The following NT5M variants were observed in gnomAD, a reference collection of about 807,000 sequenced individuals.
NT5M encodes 5'(3')-deoxyribonucleotidase, mitochondrial.
A neutral mutation model predicts 22.2 loss-of-function variants in NT5M; 22 were observed. The ratio of observed to expected loss-of-function variants is 0.99; its 90% CI spans 0.71 to 1.41. The LOEUF (loss-of-function observed/expected upper bound fraction) is 1.41. NT5M is among the 40% of genes most tolerant of loss of function. NT5M has a pLI of 0.00. For missense variants in NT5M, 322 were observed against 314.8 expected (o/e 1.02, Z -0.17); for synonymous variants, 167 against 133.0 (o/e 1.26, Z -1.76).
At position 17,308,925 on chromosome 17, in the gene NT5M, A is replaced by G. The variant is rs548931091; in HGVS notation, c.368+2282A>G. ...GTTCATTCATGTTGCAGCATCTATC[A>G]ATACTTACTATTTTTATGGCTGAAT... On this transcript the variant is annotated intron_variant, in intron 2 of 4. Transcript: ENST00000389022. Among the ~76,000 whole-genome samples the G allele has an allele frequency of 2.9e-3, 435 of 152,250 alleles. 1 individual carries two copies. The highest frequency in any genetic ancestry group is 4.3e-3 in the Non-Finnish European group (293 of 68,016).
In NT5M at chr17:17,345,046, C is replaced by T. The variant is rs538652033; in HGVS notation, c.544+138C>T. ...TGCCAGGCACTGAGCCCCTCCCCTT[C>T]GGGAAGACAAGGCCCCCTCTGTATG... On this transcript the variant is annotated intron_variant, in intron 4 of 4. Transcript: ENST00000389022. The T allele has an allele frequency of 2.0e-4, 264 of 1,324,734 alleles. No homozygotes were observed. In the African/African-American group the frequency reaches 3.4e-3, roughly 17 times the overall value. The allele number at this position is 1,324,734 out of a possible 1,614,324, so 82.1% of individuals were successfully genotyped here.
At chr17:17,334,717 G>A (rs367867604) in intron 3 of NT5M, among the ~76,000 whole-genome samples, 1 of 151,366 alleles carries the variant, frequency 6.6e-6, no homozygotes, top group Admixed American at 6.6e-5. Context: ...CTTGTGATCC[G>A]CCCACTTTGG....
chr17:17,303,637 C>T lies in NT5M; in HGVS notation c.87C>T (p.Gly29=). 1 of 1,440,530 alleles carries T rather than the reference C, an allele frequency of 6.9e-7. No homozygotes were observed. The allele number at this position is 1,440,530 out of a possible 1,614,324, so 89.2% of individuals were successfully genotyped here. Residue 29 remains glycine (G), a synonymous_variant, in exon 1 of 5, where the codon GGC becomes GGT. Transcript: ENST00000389022. The part of the protein sequence containing the change: ...AGRRGAAGGL[G]LAGGRALRVL... ...GGCGCGGGGCGGCGGGCGGGCTGGG[C>T]CTGGCGGGAGGCCGCGCCCTACGGG...
intron 3 of NT5M, among the ~76,000 whole-genome samples, chr17:17,331,059 A>G (rs565236418): frequency 6.6e-6 from 1 of 151,722 alleles, no homozygotes; most frequent in Non-Finnish European, 1.5e-5. Context: ...CATATTTTAC[A>G]TTAAATTTCC....
chr17:17,346,590 G>A (rs1316160434), intron 4 of NT5M, among the ~76,000 whole-genome samples: 2 of 152,246 alleles, frequency 1.3e-5, no homozygotes, highest in Admixed American at 6.5e-5. Flanking sequence ...AGTCCCTGTT[G>A]ACTGAGCACT....
intron 4 of NT5M, among the ~76,000 whole-genome samples, chr17:17,345,774 G>A (rs2049746703): frequency 6.6e-6 from 1 of 152,202 alleles, no homozygotes. Flanking sequence ...TTGCACCACT[G>A]CATTCCAGTC....
At chr17:17,319,079 T>C (rs1341935485) in intron 2 of NT5M, among the ~76,000 whole-genome samples, 2 of 151,716 alleles carry the variant, frequency 1.3e-5, no homozygotes, top group Non-Finnish European at 2.9e-5. Context: ...AGCGTGTTGG[T>C]GGGTGCCTGT....
intron 2 of NT5M, among the ~76,000 whole-genome samples, chr17:17,309,675 CTTTTT>C (rs34209605): frequency 2.5e-5 from 3 of 121,030 alleles, no homozygotes; most frequent in Admixed American, 8.4e-5. Flanking sequence ...GCTCAAGCAT[CTTTTT>C]TTTTTTTTTT....
rs1395648811 is a variant in NT5M, at chr17:17,303,396, C to T, written c.-155C>T. ...TCGCTCTGGGGCCGGTACTTGCGCG[C>T]CCGCACCCCGCGCTCCCCGCCCCGC... is the stretch of plus-strand genomic sequence containing the variant. On this transcript the variant is annotated 5_prime_UTR_variant, in exon 1 of 5. Coordinates refer to ENST00000389022, the MANE Select transcript of NT5M (RefSeq NM_020201.4). 1.1e-5 allele frequency: 10 copies of T among 911,708 alleles called. No homozygotes were observed. The East Asian group carries it at 5.7e-4, about 52-fold the overall frequency. 56.5% of individuals were successfully genotyped at this position (911,708 alleles called of 1,614,324 possible). A position where few individuals can be genotyped will look rare whatever the true frequency, so the allele number is the denominator to read the frequency against.
chr17:17,322,733 G>A (rs1031961872), intron 2 of NT5M, among the ~76,000 whole-genome samples: 15 of 152,196 alleles, frequency 9.9e-5, no homozygotes, highest in African/African-American at 3.6e-4. Flanking sequence ...GCTCTCCCGC[G>A]GAGCTACGAC....
At chr17:17,344,032 C>T (rs903813608) in intron 3 of NT5M, among the ~76,000 whole-genome samples, 6 of 152,162 alleles carry the variant, frequency 3.9e-5, no homozygotes, top group Admixed American at 6.5e-5. Context: ...CCCAGGGAAT[C>T]GAGGCAAAGG....
rs550803483 is a variant in NT5M, at chr17:17,332,026, C to T, written c.429+8781C>T. Among the ~76,000 whole-genome samples the T allele has an allele frequency of 9.4e-5, 14 of 148,446 alleles. 1 individual carries two copies. The South Asian group carries it at 1.2e-3, about 13-fold the overall frequency. The stretch of plus-strand genomic sequence containing the variant: ...TGATTTCCCGACCTCATGATCCACC[C>T]GCCTCGGCCTCCCAAAGTGCTAGGA... On this transcript the variant is annotated intron_variant, in intron 3 of 4. Coordinates refer to ENST00000389022, the MANE Select transcript of NT5M (RefSeq NM_020201.4).
intron 4 of NT5M, chr17:17,345,373 C>G: frequency 1.6e-6 from 1 of 617,794 alleles, no homozygotes. Context: ...CCTTGAACTG[C>G]CGTAGAAAGG....
chr17:17,315,918 A>AT (rs1199952874), intron 2 of NT5M, among the ~76,000 whole-genome samples: 8 of 149,724 alleles, frequency 5.3e-5, no homozygotes, highest in Non-Finnish European at 7.4e-5. Context: ...CGCCCGGCTA[A>AT]TTTTTTTTTG....
intron 3 of NT5M, among the ~76,000 whole-genome samples, chr17:17,329,301 C>T (rs1270756613): frequency 6.6e-5 from 10 of 152,060 alleles, no homozygotes; most frequent in Admixed American, 5.9e-4. Flanking sequence ...CTTTATTATC[C>T]CTGTTCTACA....
intron 4 of NT5M, 46 bp from the exon 5 acceptor site, chr17:17,346,759 C>T (rs1168854391): frequency 6.2e-7 from 1 of 1,601,912 alleles, no homozygotes; most frequent in East Asian, 2.2e-5. Flanking sequence ...GGCGGCTGCG[C>T]TCCAGGTCTC....
chr17:17,347,262 G>A lies in NT5M; in HGVS notation c.*315G>A. Reference sequence around the variant, plus strand: ...AGTTGAGGCCACTGTTCAGGGGGCTGGTGGCCGTCTCCACTCCCTAGGCAA... The same window carrying A: ...AGTTGAGGCCACTGTTCAGGGGGCTAGTGGCCGTCTCCACTCCCTAGGCAA... On this transcript the variant is annotated 3_prime_UTR_variant, in exon 5 of 5. Coordinates refer to ENST00000389022, the MANE Select transcript of NT5M (RefSeq NM_020201.4). The A allele has an allele frequency of 3.0e-6, 1 of 330,866 alleles. No homozygotes were observed. The highest frequency in any genetic ancestry group is 5.5e-6 in the Non-Finnish European group (1 of 180,692). The allele number at this position is 330,866 out of a possible 1,614,324, so 20.5% of individuals were successfully genotyped here.
chr17:17,326,998 G>T (rs1001381598), intron 3 of NT5M, among the ~76,000 whole-genome samples: 4 of 151,888 alleles, frequency 2.6e-5, no homozygotes, highest in Non-Finnish European at 4.4e-5. Context: ...TGCAACATCC[G>T]CCTCCCAAGT....
intron 2 of NT5M, among the ~76,000 whole-genome samples, chr17:17,310,996 TAAAAATACA>T (rs912897887): frequency 2.6e-5 from 4 of 151,992 alleles, no homozygotes; most frequent in African/African-American, 4.8e-5. Context: ...CCATCTCTAC[TAAAAATACA>T]AAAAATACAA....
Sources: allele counts gnomAD v4.1 joint callset (sites outside exome capture counted in the v4.1 genomes callset), GRCh38; gene constraint gnomAD v4.1.1; transcripts MANE v1.5; gene names NCBI Gene and HGNC (gene_info 2026-07-23, HGNC 2026-07-21).